Variants in NRXN1 observed in about 807,000 individuals in gnomAD.
NRXN1 encodes neurexin-1.
Under a neutral mutation model 150.9 loss-of-function variants are expected in NRXN1, and 39 were observed. The observed-to-expected ratio is 0.26, with a 90% confidence interval of 0.20 to 0.34. NRXN1 has a LOEUF of 0.34. Among genes scored for constraint, NRXN1 ranks in the 10% least tolerant of loss-of-function variants. The pLI is 1.00. For synonymous variants in NRXN1, 924 were observed against 757.0 expected (o/e 1.22, Z -3.62); for missense variants, 1,815 against 1,949.9 (o/e 0.93, Z 1.30).
At chr2:50,957,491 G>A (rs955140175) in intron 2 of NRXN1, among the ~76,000 whole-genome samples, 5 of 152,006 alleles carry the variant, frequency 3.3e-5, no homozygotes, top group Non-Finnish European at 7.4e-5. Context: ...GCACACAATA[G>A]CCCTACAACA....
intron 5 of NRXN1, among the ~76,000 whole-genome samples, chr2:50,867,681 G>A (rs2106075438): frequency 6.6e-6 from 1 of 151,660 alleles, no homozygotes; most frequent in Admixed American, 6.6e-5. Flanking sequence ...CAGAACCTGT[G>A]AATTTTACAA....
Position 50,922,651 on chromosome 2 carries a change from C to A in NRXN1, c.820+7G>T, listed in dbSNP as rs1686218843. 1.2e-6 allele frequency: 2 copies of A among 1,609,528 alleles called. No individual in the cohort carries two copies. Among genetic ancestry groups the A allele is most frequent in the East Asian group, 2.2e-5 (1 of 44,500 alleles). ...AAAGCAGAGTGGAAAAGGAACAGAG[C>A]CCATACCTTGGTCGCCCATCATCAG... is the stretch of plus-strand genomic sequence containing the variant. On this transcript the variant is annotated splice_region_variant and intron_variant, in intron 4 of 22. Coordinates refer to ENST00000401669, the MANE Select transcript of NRXN1 (RefSeq NM_001330078.2).
chr2:50,342,039 T>A (rs991633906), intron 17 of NRXN1, among the ~76,000 whole-genome samples: 18 of 152,242 alleles, frequency 1.2e-4, no homozygotes, highest in African/African-American at 4.1e-4. Flanking sequence ...CTGCCTCCGA[T>A]ATCTTGCCTC....
At chr2:50,524,477 TCATA>T (rs904484878) in intron 12 of NRXN1, among the ~76,000 whole-genome samples, 1 of 111,546 alleles carries the variant, frequency 9.0e-6, no homozygotes, top group African/African-American at 3.0e-5. Flanking sequence ...AGAGTCCATC[TCATA>T]AATAAATAAA....
At chr2:50,434,964 A>G (rs910803010) in intron 17 of NRXN1, among the ~76,000 whole-genome samples, 2 of 152,216 alleles carry the variant, frequency 1.3e-5, no homozygotes, top group East Asian at 1.9e-4. Context: ...TCAAAACTCA[A>G]TGAAAATCAT....
intron 5 of NRXN1, among the ~76,000 whole-genome samples, chr2:50,838,327 G>C (rs1471427679): frequency 1.3e-5 from 2 of 152,114 alleles, no homozygotes; most frequent in East Asian, 3.8e-4. Flanking sequence ...TGAGAGAACA[G>C]AGAGATGGTT....
At chr2:50,651,517 GACATAACATA>G (rs1311029032) in intron 5 of NRXN1, among the ~76,000 whole-genome samples, 4 of 134,638 alleles carry the variant, frequency 3.0e-5, no homozygotes, top group East Asian at 2.1e-4. Context: ...GACATAACAT[GACATAACATA>G]ACATAACATA....
intron 18 of NRXN1, among the ~76,000 whole-genome samples, chr2:50,194,163 A>G (rs1167813171): frequency 6.6e-6 from 1 of 152,130 alleles, no homozygotes; most frequent in Non-Finnish European, 1.5e-5. Flanking sequence ...TATTACAGAA[A>G]TTTATCTGAA....
intron 21 of NRXN1, among the ~76,000 whole-genome samples, chr2:49,952,266 T>G (rs954221156): frequency 3.3e-5 from 5 of 152,008 alleles, no homozygotes; most frequent in African/African-American, 1.2e-4. Context: ...AAACTTAAAA[T>G]AAGTGAAAAG....
At chr2:50,427,802 A>T (rs1202452350) in intron 17 of NRXN1, among the ~76,000 whole-genome samples, 1 of 152,220 alleles carries the variant, frequency 6.6e-6, no homozygotes, top group Non-Finnish European at 1.5e-5. Context: ...ATACATTTTT[A>T]AAAATTTCAT....
At chr2:50,092,409 A>T (rs1205085641) in intron 18 of NRXN1, among the ~76,000 whole-genome samples, 1 of 152,202 alleles carries the variant, frequency 6.6e-6, no homozygotes, top group Non-Finnish European at 1.5e-5. Flanking sequence ...ATTTGTCCTT[A>T]ATCAGTTGCA....
At chr2:50,083,151 C>T (rs938112625) in intron 19 of NRXN1, among the ~76,000 whole-genome samples, 1 of 152,100 alleles carries the variant, frequency 6.6e-6, no homozygotes, top group Non-Finnish European at 1.5e-5. Flanking sequence ...TGACAAGTTT[C>T]CTGGGATGGA....
At chr2:50,654,374 G>A (rs941445698) in intron 5 of NRXN1, among the ~76,000 whole-genome samples, 1 of 151,662 alleles carries the variant, frequency 6.6e-6, no homozygotes, top group African/African-American at 2.4e-5. Flanking sequence ...ATTTTTTAGG[G>A]CTGCATAGTA....
chr2:50,911,232 T>C (rs1240178302), intron 5 of NRXN1, among the ~76,000 whole-genome samples: 2 of 151,886 alleles, frequency 1.3e-5, no homozygotes, highest in Non-Finnish European at 2.9e-5. Context: ...CATCTATTTC[T>C]ACTTGGAGAA....
intron 17 of NRXN1, among the ~76,000 whole-genome samples, chr2:50,296,218 C>A (rs968254634): frequency 2.0e-5 from 3 of 152,150 alleles, no homozygotes; most frequent in Non-Finnish European, 2.9e-5. Context: ...AATGCTCATA[C>A]AGTATTCTAA....
At chr2:50,568,473 T>C (rs542009362) in intron 8 of NRXN1, among the ~76,000 whole-genome samples, 1 of 152,086 alleles carries the variant, frequency 6.6e-6, no homozygotes, top group African/African-American at 2.4e-5. Context: ...GATTTTAAAA[T>C]GGGCAAAAGA....
chr2:50,466,136 A>T (rs1192601365), intron 16 of NRXN1, among the ~76,000 whole-genome samples: 1 of 151,796 alleles, frequency 6.6e-6, no homozygotes, highest in Non-Finnish European at 1.5e-5. Context: ...ACTCCATATA[A>T]ATGGCATGCC....
At chr2:50,831,127 G>A (rs555487805) in intron 5 of NRXN1, among the ~76,000 whole-genome samples, 31 of 152,240 alleles carry the variant, frequency 2.0e-4, no homozygotes, top group African/African-American at 6.0e-4. Flanking sequence ...ATTTATAAAT[G>A]TACAATTAAG....
At chr2:50,598,562 A>G (rs1021698420) in intron 8 of NRXN1, among the ~76,000 whole-genome samples, 17 of 147,372 alleles carry the variant, frequency 1.2e-4, no homozygotes, top group African/African-American at 3.0e-4. Flanking sequence ...GTATATATAT[A>G]TGTGTGTGTG....
Sources: gnomAD v4.1 joint callset for allele counts (sites outside exome capture counted in the v4.1 genomes callset) on GRCh38, gnomAD v4.1.1 for gene constraint, MANE v1.5 for transcripts, NCBI Gene and HGNC (gene_info 2026-07-23, HGNC 2026-07-21) for gene names.